FBXL13: variants seen among roughly 807,000 people sequenced by gnomAD.
FBXL13 encodes F-box and leucine rich repeat protein 13.
In FBXL13, 67 loss-of-function variants were observed where a neutral mutation model predicts 83.6. That is an observed-to-expected ratio of 0.80 (90% CI 0.66 to 0.98). The LOEUF (loss-of-function observed/expected upper bound fraction) is 0.98. FBXL13 is among the 50% of genes least tolerant of loss of function. The pLI, the probability that FBXL13 is intolerant of heterozygous loss-of-function variation, is 0.00. For missense variants in FBXL13, 822 were observed against 866.5 expected (o/e 0.95, Z 0.64); for synonymous variants, 272 against 299.5 (o/e 0.91, Z 0.95).
At chr7:103,038,214 C>T (rs1795266296) in intron 2 of FBXL13, among the ~76,000 whole-genome samples, 3 of 152,230 alleles carry the variant, frequency 2.0e-5, no homozygotes, top group Admixed American at 2.0e-4. Context: ...GCGCAGCAGT[C>T]TGAGATCGAC....
chr7:102,853,775 C>T (rs971865570), intron 17 of FBXL13, among the ~76,000 whole-genome samples: 6 of 152,192 alleles, frequency 3.9e-5, no homozygotes, highest in African/African-American at 1.2e-4. Context: ...AAAAAATGCT[C>T]ATCATCACTG....
Position 102,834,090 on chromosome 7 carries a change from G to GGAAGGAAGGAAGGA in FBXL13, c.1720-1117_1720-1116insTCCTTCCTTCCTTC, listed in dbSNP as rs60060071. 7.5e-4 allele frequency among the ~76,000 whole-genome samples: 53 copies of GGAAGGAAGGAAGGA among 70,500 alleles called. 3 individuals are homozygous for GGAAGGAAGGAAGGA. Among genetic ancestry groups the GGAAGGAAGGAAGGA allele is most frequent in the East Asian group, 2.3e-3 (6 of 2,616 alleles). 46.3% of individuals were successfully genotyped at this position (70,500 alleles called of 152,430 possible). On this transcript the variant is annotated intron_variant, in intron 17 of 19. Transcript: ENST00000313221. ...GAAGGAAGGAAGGAAGGAAAGAAAA[G>GGAAGGAAGGAAGGA]AAAGAAAGAAAGAAAGAAAGAAAGA...
chr7:102,906,785 T>C (rs79022274), intron 11 of FBXL13, among the ~76,000 whole-genome samples: 1,733 of 152,336 alleles, frequency 0.011, 16 homozygotes, highest in Middle Eastern at 0.048. Flanking sequence ...CTCTTTGTCC[T>C]TGACCTTTGG....
intron 8 of FBXL13, chr7:102,933,263 G>T (rs1055019359): frequency 3.9e-5 from 6 of 152,004 alleles, no homozygotes; most frequent in African/African-American, 1.4e-4. Flanking sequence ...TTGGTGACTG[G>T]GAGACAGAAA....
exon 17 of FBXL13, chr7:102,854,841 C>A: frequency 1.3e-6 from 2 of 1,582,232 alleles, no homozygotes; most frequent in Non-Finnish European, 1.7e-6. Context: ...TTTTTTATGT[C>A]TGGAAAGCAC....
At chr7:103,001,107 G>C (rs1331709767) in intron 6 of FBXL13, among the ~76,000 whole-genome samples, 5 of 151,152 alleles carry the variant, frequency 3.3e-5, no homozygotes, top group African/African-American at 9.7e-5. Flanking sequence ...ACCACACCCA[G>C]TTCTATATAT....
chr7:102,929,535 G>A (rs1033422323), intron 9 of FBXL13, among the ~76,000 whole-genome samples: 11 of 152,002 alleles, frequency 7.2e-5, no homozygotes, highest in African/African-American at 1.9e-4. Flanking sequence ...GCAGTGGCAC[G>A]TGCCTATAAT....
chr7:103,032,884 C>T (rs950463897), intron 2 of FBXL13, among the ~76,000 whole-genome samples: 16 of 152,100 alleles, frequency 1.1e-4, no homozygotes, highest in African/African-American at 3.6e-4. Flanking sequence ...AAAAAATTAG[C>T]GGGGTGTGGT....
chr7:102,894,642 T>A (rs1259453526), intron 11 of FBXL13, among the ~76,000 whole-genome samples: 2 of 150,538 alleles, frequency 1.3e-5, no homozygotes, highest in Non-Finnish European at 2.9e-5. Flanking sequence ...GGCAGGAGGA[T>A]CCCTTGAGCC....
chr7:102,924,566 T>C lies in FBXL13; in HGVS notation c.878+1708A>G, dbSNP rs142624689. Among the ~76,000 whole-genome samples, 27 of 151,764 alleles carry C rather than the reference T, an allele frequency of 1.8e-4. No homozygotes were observed. In the East Asian group the frequency reaches 4.6e-3, roughly 26 times the overall value. On this transcript the variant is annotated intron_variant, in intron 10 of 19. Coordinates refer to ENST00000313221, the Ensembl canonical transcript of FBXL13. ...GAAAATATGGTGCCACTTCTTAGGCTGGTACATTTGCAGAAAATGGTTAGA... is the reference window on the plus strand; with the variant it reads ...GAAAATATGGTGCCACTTCTTAGGCCGGTACATTTGCAGAAAATGGTTAGA...
chr7:102,889,650 GA>G (rs1351068383), intron 11 of FBXL13, among the ~76,000 whole-genome samples: 2 of 151,976 alleles, frequency 1.3e-5, no homozygotes, highest in African/African-American at 4.8e-5. Flanking sequence ...CTATGAGTGA[GA>G]ACATGCAGTG....
At chr7:102,942,276 C>A in intron 8 of FBXL13, 1 of 1,589,316 alleles carries the variant, frequency 6.3e-7, no homozygotes, top group African/African-American at 1.4e-5. Context: ...AATGAAAGGT[C>A]TCCTATATTT....
chr7:103,052,431 A>G (rs1796910603), intron 2 of FBXL13, among the ~76,000 whole-genome samples: 1 of 152,034 alleles, frequency 6.6e-6, no homozygotes, highest in African/African-American at 2.4e-5. Flanking sequence ...TGAGGACTAA[A>G]GTGTTTTGCT....
chr7:102,976,023 A>G (rs753589691), intron 6 of FBXL13: 2 of 766,424 alleles, frequency 2.6e-6, no homozygotes. Flanking sequence ...TAAACCCACG[A>G]GGCCATGCCC....
intron 14 of FBXL13, among the ~76,000 whole-genome samples, chr7:102,881,568 G>A (rs1386460780): frequency 7.3e-6 from 1 of 137,442 alleles, no homozygotes; most frequent in Non-Finnish European, 1.5e-5. Flanking sequence ...TGTAGTGTGT[G>A]TGTGTGTGGG....
At chr7:102,851,556 T>C (rs992217459) in intron 17 of FBXL13, among the ~76,000 whole-genome samples, 1 of 86,334 alleles carries the variant, frequency 1.2e-5, no homozygotes, top group Non-Finnish European at 2.4e-5. Flanking sequence ...CTTCTTCTTC[T>C]CTCTCTCTCT....
intron 16 of FBXL13, among the ~76,000 whole-genome samples, chr7:102,870,450 AAAT>A (rs1438053365): frequency 1.3e-5 from 2 of 152,202 alleles, no homozygotes; most frequent in Non-Finnish European, 1.5e-5. Context: ...ATAATAGAAA[AAAT>A]AATGTCATAA....
Position 102,825,488 on chromosome 7 carries a change from C to A in FBXL13, c.1855-3285G>T, listed in dbSNP as rs558389610. Reference sequence around the variant, plus strand: ...TCCACCTTGACCTTGGACTTCCCAGCCTCCAGAAATGTAATATTACTAAAT... The same window carrying A: ...TCCACCTTGACCTTGGACTTCCCAGACTCCAGAAATGTAATATTACTAAAT... On this transcript the variant is annotated intron_variant, in intron 18 of 19. Transcript: ENST00000313221. 5.9e-5 allele frequency among the ~76,000 whole-genome samples: 9 copies of A among 152,282 alleles called. No homozygotes were observed. The South Asian group carries it at 1.9e-3, about 32-fold the overall frequency.
intron 6 of FBXL13, 45 bp downstream of exon 7, chr7:103,025,018 A>G: frequency 6.8e-7 from 1 of 1,470,988 alleles, no homozygotes; most frequent in South Asian, 1.3e-5. Flanking sequence ...GCACCACCAC[A>G]CTTGGCAGAT....
Sources: gnomAD v4.1 joint callset for allele counts (sites outside exome capture counted in the v4.1 genomes callset) on GRCh38, gnomAD v4.1.1 for gene constraint, MANE v1.5 for transcripts, NCBI Gene and HGNC (gene_info 2026-07-23, HGNC 2026-07-21) for gene names.